The following GRK5 variants were observed in gnomAD, a reference collection of about 807,000 sequenced individuals.
The protein encoded by GRK5 is g protein-coupled receptor kinase GRK5.
GRK5 carries 40 observed loss-of-function variants against 78.4 expected under a neutral mutation model. That is an observed-to-expected ratio of 0.51 (90% confidence interval 0.40 to 0.66). The LOEUF is 0.66. Ranked by LOEUF, GRK5 falls within the 30% of genes least tolerant of loss-of-function variation. GRK5 has a pLI of 0.00. For synonymous variants in GRK5, 289 were observed against 296.8 expected (o/e 0.97, Z 0.27); for missense variants, 598 against 759.9 (o/e 0.79, Z 2.50).
Position 119,458,894 on chromosome 10 carries a change from G to A in GRK5, c.*3827G>A, listed in dbSNP as rs970053000. The stretch of plus-strand genomic sequence containing the variant: ...AGCCTCCTTGAGCCTGGCATCCCAG[G>A]CCTTGCCAAAGGGGACGGTGGCTTC... On this transcript the variant is annotated 3_prime_UTR_variant, in exon 16 of 16. Transcript: ENST00000392870. 4.6e-5 allele frequency: 7 copies of A among 152,248 alleles called. No individual in the cohort carries two copies. The highest frequency in any genetic ancestry group is 8.8e-5 in the Non-Finnish European group (6 of 68,032). The allele number at this position is 152,248 out of a possible 1,614,324, so 9.4% of individuals were successfully genotyped here. A position where few individuals can be genotyped will look rare whatever the true frequency, so the allele number is the denominator to read the frequency against.
At chr10:119,304,709 G>A (rs1290631868) in intron 1 of GRK5, among the ~76,000 whole-genome samples, 3 of 152,160 alleles carry the variant, frequency 2.0e-5, no homozygotes, top group African/African-American at 7.2e-5. Context: ...CACGCTGCCT[G>A]CTCACCAGCC....
At position 119,430,529 on chromosome 10, in the gene GRK5, G is replaced by T; in HGVS notation, c.597+91G>T. The T allele has an allele frequency of 8.8e-7, 1 of 1,137,016 alleles. No homozygotes were observed. Among genetic ancestry groups the T allele is most frequent in the Non-Finnish European group, 1.3e-6 (1 of 781,762 alleles). 70.4% of individuals were successfully genotyped at this position (1,137,016 alleles called of 1,614,324 possible). A position where few individuals can be genotyped will look rare whatever the true frequency, so the allele number is the denominator to read the frequency against. ...AAATCAACCTAAAGGGTTGGCCCAC[G>T]GGTCCCCCGGGGGCACCAGTGGCTC... On this transcript the variant is annotated intron_variant, in intron 7 of 15. Transcript: ENST00000392870. This position sits in a 1 kb window ranked among gnomAD's most constrained non-coding sequence, Gnocchi z 4.5.
chr10:119,301,413 C>T (rs887692830), intron 1 of GRK5, among the ~76,000 whole-genome samples: 2 of 152,198 alleles, frequency 1.3e-5, no homozygotes. Flanking sequence ...TTGGTTCATT[C>T]TCGCTGCTGA....
intron 9 of GRK5, among the ~76,000 whole-genome samples, chr10:119,439,371 C>T (rs1226301603): frequency 6.6e-6 from 1 of 152,236 alleles, no homozygotes; most frequent in Admixed American, 6.5e-5. Flanking sequence ...CATTCCAGGC[C>T]CTGTTCTGCC....
intron 3 of GRK5, among the ~76,000 whole-genome samples, chr10:119,382,721 C>G (rs973423842): frequency 6.6e-6 from 1 of 152,146 alleles, no homozygotes; most frequent in Non-Finnish European, 1.5e-5. Context: ...TGTTCTCATA[C>G]ATTTTATGTG....
intron 1 of GRK5, among the ~76,000 whole-genome samples, chr10:119,254,886 C>T (rs1849255794): frequency 6.6e-6 from 1 of 151,974 alleles, no homozygotes; most frequent in South Asian, 2.1e-4. Context: ...GAAACCCCAT[C>T]TCTACTAAAA....
At chr10:119,406,412 C>A in intron 4 of GRK5, 4 of 976,834 alleles carry the variant, frequency 4.1e-6, no homozygotes, top group Non-Finnish European at 4.9e-6. Context: ...ATCATCCAAC[C>A]AATTCATGAT....
intron 1 of GRK5, among the ~76,000 whole-genome samples, chr10:119,319,529 C>T (rs1850549001): frequency 6.6e-6 from 1 of 152,218 alleles, no homozygotes. Context: ...GGCTACAACC[C>T]CAGCTGTCTT....
chr10:119,450,010 G>T (rs184127544), intron 13 of GRK5, among the ~76,000 whole-genome samples: 2 of 152,174 alleles, frequency 1.3e-5, no homozygotes, highest in African/African-American at 4.8e-5. Context: ...TGATTCTAGC[G>T]TAGAGCCAGG....
intron 11 of GRK5, 51 bp downstream of exon 11, chr10:119,442,139 C>A: frequency 6.7e-7 from 1 of 1,483,282 alleles, no homozygotes; most frequent in South Asian, 1.1e-5. Context: ...ACCACCTGCT[C>A]ACCGCCGGCC....
At chr10:119,255,038 C>CA (rs11427427) in intron 1 of GRK5, among the ~76,000 whole-genome samples, 78,749 of 113,406 alleles carry the variant, frequency 0.69, 27,119 homozygotes, top group East Asian at 0.81. Flanking sequence ...GACTCAGTCT[C>CA]AAAAAAAAAA....
chr10:119,357,172 C>T (rs1189423490), intron 2 of GRK5, among the ~76,000 whole-genome samples: 1 of 152,216 alleles, frequency 6.6e-6, no homozygotes, highest in South Asian at 2.1e-4. Context: ...GGTGTTTTTT[C>T]TCATTTTAAT....
intron 1 of GRK5, among the ~76,000 whole-genome samples, chr10:119,266,087 C>T (rs1849491697): frequency 1.3e-5 from 2 of 152,202 alleles, no homozygotes; most frequent in African/African-American, 4.8e-5. Context: ...AGGTTGTGCC[C>T]ATTGTCTTGG....
intron 1 of GRK5, among the ~76,000 whole-genome samples, chr10:119,252,813 C>A (rs2133755713): frequency 6.6e-6 from 1 of 152,156 alleles, no homozygotes; most frequent in East Asian, 1.9e-4. Context: ...GTAGAGGATA[C>A]CTCAATAAAT....
intron 2 of GRK5, among the ~76,000 whole-genome samples, chr10:119,339,710 T>A (rs934443368): frequency 1.3e-5 from 2 of 152,092 alleles, no homozygotes; most frequent in Non-Finnish European, 2.9e-5. Context: ...CTGGGCAACA[T>A]GGCGAAACCT....
chr10:119,341,727 C>A (rs528290337), intron 2 of GRK5, among the ~76,000 whole-genome samples: 4 of 152,248 alleles, frequency 2.6e-5, no homozygotes, highest in South Asian at 4.1e-4. Context: ...CTGTACCAGG[C>A]ACTTGTAGAA....
At chr10:119,321,828 TG>T (rs1850590972) in intron 1 of GRK5, among the ~76,000 whole-genome samples, 1 of 152,166 alleles carries the variant, frequency 6.6e-6, no homozygotes, top group South Asian at 2.1e-4. Context: ...ACCCTCGGCT[TG>T]GGGCTGCCTC....
rs145398089 is a variant in GRK5, at chr10:119,430,766, C to T, written c.597+328C>T. The stretch of plus-strand genomic sequence containing the variant: ...GTGAGGGCGTGAGGAGGCTGGGCAA[C>T]CTTGGCCACTCAGTGCCTGGATGAC... On this transcript the variant is annotated intron_variant, in intron 7 of 15. Coordinates refer to ENST00000392870, the MANE Select transcript of GRK5 (RefSeq NM_005308.3). The surrounding 1 kb of genome is among the most constrained non-coding windows in gnomAD (Gnocchi z 4.5). Among the ~76,000 whole-genome samples the T allele has an allele frequency of 4.1e-4, 62 of 152,228 alleles. No individual in the cohort carries two copies. Among genetic ancestry groups the T allele is most frequent in the African/African-American group, 1.3e-3 (56 of 41,524 alleles).
intron 2 of GRK5, among the ~76,000 whole-genome samples, chr10:119,375,774 C>A (rs1340481693): frequency 6.6e-6 from 1 of 152,144 alleles, no homozygotes; most frequent in Non-Finnish European, 1.5e-5. Context: ...AGTGTCAATC[C>A]CTTGAAGAAA....
Sources: gnomAD v4.1 joint callset for allele counts (sites outside exome capture counted in the v4.1 genomes callset) on GRCh38, gnomAD v4.1.1 for gene constraint, Gnocchi (gnomAD v3.1) non-coding constraint, MANE v1.5 for transcripts, NCBI Gene and HGNC (gene_info 2026-07-23, HGNC 2026-07-21) for gene names.